Variants in EMP2 observed in about 807,000 individuals in gnomAD.
EMP2 encodes epithelial membrane protein 2.
Under a neutral mutation model 13.7 loss-of-function variants are expected in EMP2, and 19 were observed. That is an observed-to-expected ratio of 1.38 (90% CI 0.97 to 2.03). EMP2 has a LOEUF of 2.03. Among genes scored for constraint, EMP2 ranks in the 30% most tolerant of loss-of-function variants. The pLI, the probability that EMP2 is intolerant of heterozygous loss-of-function variation, is 0.00. For synonymous variants in EMP2, 97 were observed against 84.7 expected (o/e 1.15, Z -0.80); for missense variants, 253 against 220.7 (o/e 1.15, Z -0.93).
At chr16:10,541,886 A>T (rs913626764) in intron 3 of EMP2, among the ~76,000 whole-genome samples, 1 of 152,148 alleles carries the variant, frequency 6.6e-6, no homozygotes, top group Non-Finnish European at 1.5e-5. Flanking sequence ...GAGATCACCT[A>T]TGTAAAGGAC....
intron 2 of EMP2, chr16:10,544,664 T>A (rs1596371981): frequency 6.6e-6 from 1 of 152,548 alleles, no homozygotes; most frequent in East Asian, 1.9e-4. Flanking sequence ...GAGGCCGAGG[T>A]GGGAGGATTG....
intron 1 of EMP2, among the ~76,000 whole-genome samples, chr16:10,569,736 T>A (rs1396710874): frequency 1.3e-5 from 2 of 152,226 alleles, no homozygotes; most frequent in Non-Finnish European, 2.9e-5. Context: ...TAACATCGCC[T>A]GTATGCTACA....
At chr16:10,536,528 G>A (rs1412060637) in intron 4 of EMP2, among the ~76,000 whole-genome samples, 2 of 152,156 alleles carry the variant, frequency 1.3e-5, no homozygotes, top group Non-Finnish European at 2.9e-5. Flanking sequence ...TGCCATGTAA[G>A]CCCTTTTGTT....
rs903335651 is a variant in EMP2 at position 10,539,364 on chromosome 16, T to C, written c.170-1290A>G. Among the ~76,000 whole-genome samples the C allele has an allele frequency of 4.6e-5, 7 of 152,222 alleles. No homozygotes were observed. The East Asian group carries it at 9.6e-4, about 21-fold the overall frequency. On this transcript the variant is annotated intron_variant, in intron 3 of 4. Transcript: ENST00000359543. ...AGCTGTGGATTTAATCCATTCTGGC[T>C]ACAGATTACGGTTGCTTGGAGAGCA...
At chr16:10,562,521 C>G (rs1300791149) in intron 1 of EMP2, among the ~76,000 whole-genome samples, 1 of 152,106 alleles carries the variant, frequency 6.6e-6, no homozygotes, top group East Asian at 1.9e-4. Flanking sequence ...CAGCCAGCCC[C>G]CAGCTGACCC....
At chr16:10,575,403 G>T (rs550672300) in intron 1 of EMP2, among the ~76,000 whole-genome samples, 12 of 151,524 alleles carry the variant, frequency 7.9e-5, no homozygotes, top group Non-Finnish European at 1.8e-4. Flanking sequence ...ACAGGCGCCC[G>T]CCACCACACC....
chr16:10,535,792 G>A (rs909552172), intron 4 of EMP2, among the ~76,000 whole-genome samples: 4 of 152,182 alleles, frequency 2.6e-5, no homozygotes, highest in Non-Finnish European at 4.4e-5. Context: ...CTAACTGGCA[G>A]ATACAGAGAC....
At chr16:10,570,410 T>C (rs137913736) in intron 1 of EMP2, among the ~76,000 whole-genome samples, 4 of 152,086 alleles carry the variant, frequency 2.6e-5, no homozygotes, top group African/African-American at 9.6e-5. Flanking sequence ...TTTATTTTAT[T>C]TTTTGAGACA....
Position 10,547,670 on chromosome 16 carries a change from G to A in EMP2, c.-53C>T, listed in dbSNP as rs375285875. The stretch of plus-strand genomic sequence containing the variant: ...AGGGGTCACGTTTAAAGCCCAGAGC[G>A]GGATGTGCTGAAGAGGGTAAGAAAG... On this transcript the variant is annotated 5_prime_UTR_variant, in exon 2 of 5. Coordinates refer to ENST00000359543, the MANE Select transcript of EMP2 (RefSeq NM_001424.6). 58 of 1,568,142 alleles carry A rather than the reference G, an allele frequency of 3.7e-5. No individual in the cohort carries two copies. The highest frequency in any genetic ancestry group is 1.5e-4 in the Admixed American group (9 of 59,116).
Position 10,580,192 on chromosome 16 carries a change from C to T in EMP2, c.-61+357G>A, listed in dbSNP as rs28505620. Among the ~76,000 whole-genome samples, 8,326 of 152,260 alleles carry T rather than the reference C, an allele frequency of 0.055. 739 individuals carry two copies. Among genetic ancestry groups the T allele is most frequent in the African/African-American group, 0.19 (7,792 of 41,546 alleles). On this transcript the variant is annotated intron_variant, in intron 1 of 4. Coordinates refer to ENST00000359543, the MANE Select transcript of EMP2 (RefSeq NM_001424.6). This position sits in a 1 kb window ranked among gnomAD's most constrained non-coding sequence, Gnocchi z 4.3. ...GCGAGGCGAGTCTGGGGACGCTGCC[C>T]GGGAATCCCTCACGCGACCTGGGGA... is the stretch of plus-strand genomic sequence containing the variant.
intron 1 of EMP2, among the ~76,000 whole-genome samples, chr16:10,562,387 T>G (rs8059685): frequency 0.057 from 8,213 of 144,762 alleles, 295 homozygotes; most frequent in South Asian, 0.088. Flanking sequence ...TCTCTATCTA[T>G]CTCTCTCTCT....
At chr16:10,552,570 G>A (rs1330972729) in intron 1 of EMP2, among the ~76,000 whole-genome samples, 2 of 152,078 alleles carry the variant, frequency 1.3e-5, no homozygotes, top group African/African-American at 2.4e-5. Flanking sequence ...ACAGATCTTT[G>A]GTTAAAATGT....
At chr16:10,550,280 T>A (rs927686891) in intron 1 of EMP2, among the ~76,000 whole-genome samples, 2 of 152,158 alleles carry the variant, frequency 1.3e-5, no homozygotes, top group African/African-American at 4.8e-5. Flanking sequence ...ATAGTCAAAT[T>A]TCCCCAATTA....
intron 1 of EMP2, among the ~76,000 whole-genome samples, chr16:10,570,992 C>G (rs1487364311): frequency 1.3e-5 from 2 of 151,632 alleles, no homozygotes; most frequent in Non-Finnish European, 2.9e-5. Context: ...GGGCCGGTGG[C>G]TCATGCCTGT....
intron 1 of EMP2, among the ~76,000 whole-genome samples, chr16:10,564,784 C>G (rs984539092): frequency 6.6e-6 from 1 of 152,094 alleles, no homozygotes; most frequent in African/African-American, 2.4e-5. Flanking sequence ...ACAGGCAGCT[C>G]GGGGCATGTG....
intron 1 of EMP2, among the ~76,000 whole-genome samples, chr16:10,574,004 C>T (rs2050965722): frequency 8.2e-6 from 1 of 122,216 alleles, no homozygotes; most frequent in Non-Finnish European, 1.6e-5. Context: ...GTGGCATGAT[C>T]TCGGCTCACT....
In EMP2 at chr16:10,547,689, A is replaced by G; in HGVS notation, c.-60-12T>C. On this transcript the variant is annotated splice_polypyrimidine_tract_variant and intron_variant, in intron 1 of 4. Transcript: ENST00000359543. ...CAGAGCGGGATGTGCTGAAGAGGGTAAGAAAGAGAAATTCAAAATCTGTCA... is the reference window on the plus strand; with the variant it reads ...CAGAGCGGGATGTGCTGAAGAGGGTGAGAAAGAGAAATTCAAAATCTGTCA... 1 of 1,444,274 alleles carries G rather than the reference A, an allele frequency of 6.9e-7. No individual in the cohort carries two copies. The highest frequency in any genetic ancestry group is 2.0e-5 in the Admixed American group (1 of 49,278). 89.5% of individuals were successfully genotyped at this position (1,444,274 alleles called of 1,614,324 possible). A position where few individuals can be genotyped will look rare whatever the true frequency, so the allele number is the denominator to read the frequency against.
At position 10,543,610 on chromosome 16, in the gene EMP2, G is replaced by C. The variant is rs1393712834; in HGVS notation, c.129C>G (p.Thr43=). ...EFFADVWRIC[T]NNTNCTVIND... ...TGATGACTGTGCAATTCGTGTTGTT[G>C]GTACATATTCTCCAGACATCTGCAA... Residue 43 remains threonine (T), a synonymous_variant, in exon 3 of 5, where the codon ACC becomes ACG. Coordinates refer to ENST00000359543, the MANE Select transcript of EMP2 (RefSeq NM_001424.6). 2 of 1,614,066 alleles carry C rather than the reference G, an allele frequency of 1.2e-6. No individual in the cohort carries two copies. Among genetic ancestry groups the C allele is most frequent in the Non-Finnish European group, 1.7e-6 (2 of 1,180,028 alleles).
chr16:10,573,195 G>C (rs929322362), intron 1 of EMP2, among the ~76,000 whole-genome samples: 3 of 152,126 alleles, frequency 2.0e-5, no homozygotes, highest in Admixed American at 1.3e-4. Context: ...GGCTACAGGT[G>C]TGTGTCACCA....
Sources: allele counts gnomAD v4.1 joint callset (sites outside exome capture counted in the v4.1 genomes callset), GRCh38; gene constraint gnomAD v4.1.1; non-coding constraint Gnocchi (gnomAD v3.1); transcripts MANE v1.5; gene names NCBI Gene and HGNC (gene_info 2026-07-23, HGNC 2026-07-21).